The following TCERG1L variants were observed in gnomAD, a reference collection of about 807,000 sequenced individuals.
TCERG1L encodes transcription elongation regulator 1 like, also known as transcription elongation regulator 1-like protein.
Under a neutral mutation model 56.3 loss-of-function variants are expected in TCERG1L, and 37 were observed. That is an observed-to-expected ratio of 0.66 (90% confidence interval 0.51 to 0.87). TCERG1L has a LOEUF of 0.87. Among genes scored for constraint, TCERG1L ranks in the 40% least tolerant of loss-of-function variants. The probability of loss-of-function intolerance (pLI) is 0.00; values close to 1 mark genes in which losing one functional copy is unlikely to be tolerated. For synonymous variants in TCERG1L, 324 were observed against 326.3 expected (o/e 0.99, Z 0.08); for missense variants, 799 against 774.2 (o/e 1.03, Z -0.38).
chr10:131,093,305 C>T lies in TCERG1L; in HGVS notation c.1618G>A (p.Glu540Lys). ...SKVSPRTTFK[E>K]FAEKYGRDQR... ...TCCCGGCCGTATTTCTCTGCAAACTCCTTAAACGTGGTCCTGAAAAAGAAA... is the reference window on the plus strand; with the variant it reads ...TCCCGGCCGTATTTCTCTGCAAACTTCTTAAACGTGGTCCTGAAAAAGAAA... The change falls in exon 12 of 12, where the codon GAG becomes AAG. Residue 540 changes from glutamate (E) to lysine (K), a missense_variant. Transcript: ENST00000368642. 1 of 1,613,346 alleles carries T rather than the reference C, an allele frequency of 6.2e-7. No homozygotes were observed. Among genetic ancestry groups the T allele is most frequent in the Non-Finnish European group, 8.5e-7 (1 of 1,179,720 alleles).
chr10:131,310,436 T>C (rs187564038), intron 1 of TCERG1L, among the ~76,000 whole-genome samples: 29 of 152,304 alleles, frequency 1.9e-4, no homozygotes, highest in Admixed American at 1.2e-3. Flanking sequence ...CAAGATAATA[T>C]TGGAATTAAA....
chr10:131,166,290 T>C (rs1846030136), intron 5 of TCERG1L, among the ~76,000 whole-genome samples: 1 of 152,240 alleles, frequency 6.6e-6, no homozygotes. Flanking sequence ...TAAGCGTGAT[T>C]TGTGATTTTG....
At chr10:131,146,688 T>C (rs754043899) in intron 6 of TCERG1L, 28 bp from the exon 7 acceptor site, 2 of 1,598,460 alleles carry the variant, frequency 1.3e-6, no homozygotes, top group Non-Finnish European at 1.7e-6. Flanking sequence ...CTCATCTCAG[T>C]CGCTCTCGGA....
chr10:131,161,370 CTG>C (rs1328447379), intron 6 of TCERG1L: 3 of 152,266 alleles, frequency 2.0e-5, no homozygotes, highest in Non-Finnish European at 4.4e-5. Context: ...TCGGATGCCA[CTG>C]CCTAAGGATG....
intron 4 of TCERG1L, among the ~76,000 whole-genome samples, chr10:131,214,981 C>A (rs1295119879): frequency 6.6e-6 from 1 of 152,204 alleles, no homozygotes; most frequent in Non-Finnish European, 1.5e-5. Flanking sequence ...CCTGTTTCTG[C>A]CCTCACTCAC....
chr10:131,162,852 C>T (rs1589732986), intron 6 of TCERG1L: 1 of 321,898 alleles, frequency 3.1e-6, no homozygotes, highest in East Asian at 4.9e-5. Context: ...TCAGCCACTG[C>T]CTTTCGCTGA....
At chr10:131,230,156 C>G (rs1221791383) in intron 4 of TCERG1L, among the ~76,000 whole-genome samples, 1 of 152,170 alleles carries the variant, frequency 6.6e-6, no homozygotes, top group Non-Finnish European at 1.5e-5. Flanking sequence ...GTCAGACCAC[C>G]AAAGAGCAGA....
chr10:131,224,846 T>G (rs1845775601), intron 4 of TCERG1L, among the ~76,000 whole-genome samples: 1 of 152,078 alleles, frequency 6.6e-6, no homozygotes, highest in African/African-American at 2.4e-5. Context: ...CTCATTTTGA[T>G]GAAAACACAC....
intron 7 of TCERG1L, among the ~76,000 whole-genome samples, chr10:131,138,827 G>A (rs1215114188): frequency 1.3e-5 from 2 of 151,970 alleles, no homozygotes; most frequent in East Asian, 1.9e-4. Flanking sequence ...ATGGTTAAAC[G>A]GTCAGCTTCA....
At position 131,300,537 on chromosome 10, in the gene TCERG1L, C is replaced by T. The variant is rs182413739; in HGVS notation, c.670+7674G>A. On this transcript the variant is annotated intron_variant, in intron 3 of 11. Transcript: ENST00000368642. ...AGTAATTTTTCATTATGCCAGCTTT[C>T]ATTTTTTCTAATATTTTAATTTGAC... Among the ~76,000 whole-genome samples the T allele has an allele frequency of 2.0e-3, 308 of 152,236 alleles. 1 individual carries two copies. The highest frequency in any genetic ancestry group is 6.8e-3 in the Middle Eastern group (2 of 294).
At chr10:131,229,653 A>G (rs185821841) in intron 4 of TCERG1L, among the ~76,000 whole-genome samples, 49 of 152,302 alleles carry the variant, frequency 3.2e-4, no homozygotes, top group African/African-American at 1.2e-3. Flanking sequence ...ATAGAGATAT[A>G]GAATAGTTAC....
At chr10:131,113,222 C>T (rs1350550849) in intron 9 of TCERG1L, among the ~76,000 whole-genome samples, 7 of 143,056 alleles carry the variant, frequency 4.9e-5, no homozygotes, top group African/African-American at 1.2e-4. Flanking sequence ...TTGAGGGTTA[C>T]TTTCACATTA....
intron 4 of TCERG1L, among the ~76,000 whole-genome samples, chr10:131,225,795 C>T (rs1054528636): frequency 2.6e-5 from 4 of 152,024 alleles, no homozygotes; most frequent in Admixed American, 2.6e-4. Flanking sequence ...CCGATAAACG[C>T]AAGTGTGATT....
intron 8 of TCERG1L, among the ~76,000 whole-genome samples, chr10:131,122,045 C>T (rs943262075): frequency 6.6e-6 from 1 of 152,162 alleles, no homozygotes; most frequent in Admixed American, 6.5e-5. Flanking sequence ...GTGACCGCAC[C>T]GTGCCACACA....
intron 4 of TCERG1L, among the ~76,000 whole-genome samples, chr10:131,252,000 G>A (rs1846116237): frequency 6.6e-6 from 1 of 152,134 alleles, no homozygotes; most frequent in Non-Finnish European, 1.5e-5. Flanking sequence ...AATCCGATGG[G>A]GGACCTCGGA....
intron 6 of TCERG1L, among the ~76,000 whole-genome samples, chr10:131,155,790 CG>C (rs1845914359): frequency 6.6e-6 from 1 of 152,122 alleles, no homozygotes; most frequent in Non-Finnish European, 1.5e-5. Context: ...GCACAGCCCA[CG>C]GCCCACCCCC....
chr10:131,290,967 C>T (rs1169960687), intron 3 of TCERG1L, among the ~76,000 whole-genome samples: 3 of 152,170 alleles, frequency 2.0e-5, no homozygotes, highest in African/African-American at 7.2e-5. Context: ...CCACTTCCCA[C>T]ACAGCACGAG....
At chr10:131,231,584 G>T (rs1017398045) in intron 4 of TCERG1L, among the ~76,000 whole-genome samples, 2 of 152,118 alleles carry the variant, frequency 1.3e-5, no homozygotes, top group Non-Finnish European at 2.9e-5. Context: ...CATCAGAGGG[G>T]TTCGGAGCAG....
intron 6 of TCERG1L, among the ~76,000 whole-genome samples, chr10:131,150,614 G>C (rs964662990): frequency 2.0e-5 from 3 of 152,208 alleles, no homozygotes; most frequent in Non-Finnish European, 4.4e-5. Flanking sequence ...GAAGCTGAAA[G>C]AGGTGAGAGG....
Sources: gnomAD v4.1 joint callset for allele counts (sites outside exome capture counted in the v4.1 genomes callset) on GRCh38, gnomAD v4.1.1 for gene constraint, MANE v1.5 for transcripts, NCBI Gene and HGNC (gene_info 2026-07-23, HGNC 2026-07-21) for gene names.